DLG1: variants seen among roughly 807,000 people sequenced by gnomAD.
DLG1 encodes discs large MAGUK scaffold protein 1.
DLG1 carries 42 observed loss-of-function variants against 123.4 expected under a neutral mutation model. The observed-to-expected ratio is 0.34, with a 90% CI of 0.27 to 0.44. DLG1 has a LOEUF of 0.44. Among genes scored for constraint, DLG1 ranks in the 20% least tolerant of loss-of-function variants. The probability of loss-of-function intolerance (pLI) is 1.00; values close to 1 mark genes in which losing one functional copy is unlikely to be tolerated. For synonymous variants in DLG1, 317 were observed against 356.2 expected, an observed-to-expected ratio of 0.89 and a Z score of 1.24; for missense variants, 942 against 1,082.6, an observed-to-expected ratio of 0.87 and a Z score of 1.82.
chr3:197,047,743 C>T (rs772173527), intron 24 of DLG1, among the ~76,000 whole-genome samples: 39 of 151,926 alleles, frequency 2.6e-4, no homozygotes, highest in Non-Finnish European at 4.7e-4. Context: ...GAGAACGAAA[C>T]TAAACCCTTA....
chr3:197,196,971 G>A (rs1214238948), intron 4 of DLG1, among the ~76,000 whole-genome samples: 1 of 152,102 alleles, frequency 6.6e-6, no homozygotes, highest in Non-Finnish European at 1.5e-5. Context: ...TATGTAATTT[G>A]GAGGGAAGTG....
At chr3:197,058,640 T>C (rs1733567680) in intron 23 of DLG1, among the ~76,000 whole-genome samples, 1 of 152,244 alleles carries the variant, frequency 6.6e-6, no homozygotes, top group Admixed American at 6.5e-5. Flanking sequence ...TTTTAGTAAC[T>C]GTTTCATGTA....
At chr3:197,094,861 G>A (rs1759747185) in intron 14 of DLG1, among the ~76,000 whole-genome samples, 2 of 152,216 alleles carry the variant, frequency 1.3e-5, no homozygotes, top group South Asian at 2.1e-4. Flanking sequence ...TGAGAACAAC[G>A]GAATTTTCTT....
At chr3:197,185,416 A>C (rs1715320886) in intron 5 of DLG1, among the ~76,000 whole-genome samples, 1 of 152,202 alleles carries the variant, frequency 6.6e-6, no homozygotes. Context: ...TGAGGGCAAG[A>C]TATTTTGTGA....
At position 197,097,753 on chromosome 3, in the gene DLG1, G is replaced by T. The variant is rs562277054; in HGVS notation, c.1547-6727C>A. 5.3e-5 allele frequency among the ~76,000 whole-genome samples: 8 copies of T among 151,746 alleles called. No homozygotes were observed. In the South Asian group the frequency reaches 1.5e-3, roughly 28 times the overall value. On this transcript the variant is annotated intron_variant, in intron 14 of 24. Transcript: ENST00000667157. ...GCACCACCACGCCCAGCTAATTTTT[G>T]TATTTTTAGTAGAGACAGGGGTTTC...
intron 4 of DLG1, among the ~76,000 whole-genome samples, chr3:197,229,496 A>G (rs13070238): frequency 0.27 from 40,398 of 150,020 alleles, 6,651 homozygotes; most frequent in East Asian, 0.72. Context: ...GTGAAGTTAT[A>G]TATGTTAACC....
rs544280296 is a variant in DLG1 at position 197,282,587 on chromosome 3, T to A, written c.318+92A>T. 3.6e-6 allele frequency: 3 copies of A among 827,768 alleles called. No homozygotes were observed. The South Asian group carries it at 1.4e-4, about 37-fold the overall frequency. The allele number at this position is 827,768 out of a possible 1,614,324, so 51.3% of individuals were successfully genotyped here. ...ATACTTCCATAACAAAATCCACTTG[T>A]ATAAAATATTATTTTAATAAAATAA... On this transcript the variant is annotated intron_variant, in intron 4 of 24. Coordinates refer to ENST00000667157, the MANE Select transcript of DLG1 (RefSeq NM_001366207.1).
intron 10 of DLG1, among the ~76,000 whole-genome samples, chr3:197,131,996 TC>T (rs767147019): frequency 8.5e-5 from 13 of 152,220 alleles, no homozygotes; most frequent in Non-Finnish European, 1.8e-4. Flanking sequence ...TTTATGTCTT[TC>T]TAGCAATCTG....
intron 4 of DLG1, among the ~76,000 whole-genome samples, chr3:197,245,610 C>T (rs1395045909): frequency 6.6e-6 from 1 of 152,148 alleles, no homozygotes; most frequent in African/African-American, 2.4e-5. Flanking sequence ...CTTGATGTAG[C>T]TGAGACAAAA....
At chr3:197,298,332 G>A (rs1317205953) in intron 1 of DLG1, 1 of 395,182 alleles carries the variant, frequency 2.5e-6, no homozygotes, top group Non-Finnish European at 4.5e-6. Flanking sequence ...TAAAAGGGCG[G>A]CCGCTGAAGT....
chr3:197,067,968 G>C (rs1740910138), intron 19 of DLG1, among the ~76,000 whole-genome samples: 1 of 152,090 alleles, frequency 6.6e-6, no homozygotes, highest in Non-Finnish European at 1.5e-5. Flanking sequence ...ATCAATATTG[G>C]ATAATGTATT....
At chr3:197,127,491 T>TATATATATATATATATATATAA in intron 11 of DLG1, among the ~76,000 whole-genome samples, 1 of 49,296 alleles carries the variant, frequency 2.0e-5, no homozygotes, top group African/African-American at 9.0e-5. Flanking sequence ...TATATATATA[T>TATATATATATATATATATATAA]ATATAAAGTA....
chr3:197,195,117 C>T (rs1268529607), intron 4 of DLG1, among the ~76,000 whole-genome samples: 1 of 151,722 alleles, frequency 6.6e-6, no homozygotes, highest in African/African-American at 2.4e-5. Flanking sequence ...AAAAAAGCTT[C>T]CTCACACCAA....
Position 197,066,747 on chromosome 3 carries a change from T to C in DLG1, c.2055A>G (p.Gln685=). 1 of 1,600,878 alleles carries C rather than the reference T, an allele frequency of 6.2e-7. No individual in the cohort carries two copies. ...GTTCATAAGATAAGACGTATTCTTC[T>C]TGACCACCTATTAGAAAGTGAAGGC... ...ASDSESSYRG[Q]EEYVLSYEPV... is the part of the protein sequence containing the mutation. Residue 685 remains glutamine, a synonymous_variant, in exon 20 of 25, where the codon CAA becomes CAG. Transcript: ENST00000667157.
chr3:197,298,030 G>T, intron 1 of DLG1: 3 of 704,388 alleles, frequency 4.3e-6, no homozygotes, highest in Non-Finnish European at 5.2e-6. Flanking sequence ...CCCCCGGCCC[G>T]CTCGCCCAGT....
At chr3:197,085,844 T>TACCCA in intron 15 of DLG1, 88 bp from the exon 16 acceptor site, 2 of 1,231,898 alleles carry the variant, frequency 1.6e-6, no homozygotes, top group Non-Finnish European at 2.3e-6. Flanking sequence ...GTAATTTGGG[T>TACCCA]AATTAAATAT....
At chr3:197,164,271 C>T (rs1394669120) in intron 5 of DLG1, among the ~76,000 whole-genome samples, 2 of 151,452 alleles carry the variant, frequency 1.3e-5, no homozygotes, top group South Asian at 2.1e-4. Context: ...GTGGCCCATG[C>T]GTGTAATCCC....
intron 18 of DLG1, 129 bp from the exon 19 acceptor site, chr3:197,069,389 T>G (rs1318943146): frequency 1.9e-6 from 1 of 523,526 alleles, no homozygotes; most frequent in Non-Finnish European, 3.2e-6. Context: ...TTCTTTTTCT[T>G]TGAAACGTTT....
At chr3:197,154,370 G>T (rs111875078) in intron 5 of DLG1, among the ~76,000 whole-genome samples, 3 of 151,504 alleles carry the variant, frequency 2.0e-5, no homozygotes, top group South Asian at 4.2e-4. Context: ...ACTAGACAAA[G>T]ACTTTATTAA....
Sources: gnomAD v4.1 joint callset for allele counts (sites outside exome capture counted in the v4.1 genomes callset) on GRCh38, gnomAD v4.1.1 for gene constraint, MANE v1.5 for transcripts, NCBI Gene and HGNC (gene_info 2026-07-23, HGNC 2026-07-21) for gene names.